Variants in PLAC8L1 observed in about 807,000 individuals in gnomAD.
PLAC8L1 encodes PLAC8 like 1.
In PLAC8L1, 13 loss-of-function variants were observed where a neutral mutation model predicts 16.3. The ratio of observed to expected loss-of-function variants is 0.80; its 90% confidence interval spans 0.52 to 1.27. The LOEUF is 1.27. Among genes scored for constraint, PLAC8L1 ranks in the 50% most tolerant of loss-of-function variants. The pLI is 0.00. For synonymous variants in PLAC8L1, 78 were observed against 79.3 expected (o/e 0.98, Z 0.09); for missense variants, 184 against 220.2 (o/e 0.84, Z 1.04).
intron 2 of PLAC8L1, among the ~76,000 whole-genome samples, chr5:146,096,934 C>T (rs1487082878): frequency 6.6e-6 from 1 of 152,176 alleles, no homozygotes; most frequent in African/African-American, 2.4e-5. Flanking sequence ...GGGGAAGACT[C>T]TCAGCTGAAT....
At chr5:146,100,225 G>T (rs1438258500) in intron 1 of PLAC8L1, among the ~76,000 whole-genome samples, 2 of 152,132 alleles carry the variant, frequency 1.3e-5, no homozygotes, top group African/African-American at 4.8e-5. Context: ...AACATATTTA[G>T]TCTCAATGTC....
At chr5:146,100,695 T>A (rs981385727) in intron 1 of PLAC8L1, among the ~76,000 whole-genome samples, 2 of 152,076 alleles carry the variant, frequency 1.3e-5, no homozygotes, top group African/African-American at 4.8e-5. Flanking sequence ...CAGAAAAATA[T>A]ATATATATGG....
chr5:146,103,967 TAA>T (rs1263889086), intron 1 of PLAC8L1: 2 of 985,248 alleles, frequency 2.0e-6, no homozygotes, highest in African/African-American at 1.7e-5. Flanking sequence ...ATTTTAAGAA[TAA>T]AGAGATACCA....
At chr5:146,087,895 G>T (rs1439645099) in intron 2 of PLAC8L1, among the ~76,000 whole-genome samples, 1 of 152,174 alleles carries the variant, frequency 6.6e-6, no homozygotes, top group Non-Finnish European at 1.5e-5. Flanking sequence ...GAAAGAGGAA[G>T]AGAGCAAAGG....
At position 146,085,521 on chromosome 5, in the gene PLAC8L1, C is replaced by T. The variant is rs143976203; in HGVS notation, c.333G>A (p.Pro111=). Residue 111 remains proline, a synonymous_variant, in exon 3 of 4, where the codon CCG becomes CCA. Coordinates refer to ENST00000311450, the MANE Select transcript of PLAC8L1 (RefSeq NM_001029869.3). ...GTGCAAAGGTGGACCCAGGTAACAA[C>T]GGCCAACAAAGACACTCTCCATAAT... is the stretch of plus-strand genomic sequence containing the variant. The part of the protein sequence containing the change: ...ARHYGECLCW[P]LLPGSTFALR... 4.9e-5 allele frequency: 79 copies of T among 1,614,110 alleles called. No individual in the cohort carries two copies. Among genetic ancestry groups the T allele is most frequent in the African/African-American group, 1.5e-4 (11 of 75,024 alleles).
At chr5:146,084,939 A>C (rs904959744) in intron 3 of PLAC8L1, among the ~76,000 whole-genome samples, 2 of 152,248 alleles carry the variant, frequency 1.3e-5, no homozygotes, top group African/African-American at 4.8e-5. Context: ...ATAGGAAGCA[A>C]AAAGTAAATC....
In PLAC8L1 at chr5:146,102,187, C is replaced by CT. The variant is rs574273561; in HGVS notation, c.119+2005dup. On this transcript the variant is annotated intron_variant, in intron 1 of 3. Transcript: ENST00000311450. ...CCTCCTGCCTCAGCCTCTCAAGTAG[C>CT]TGGGACCACAGGCACATGCCACCAT... 3.3e-5 allele frequency among the ~76,000 whole-genome samples: 5 copies of CT among 152,148 alleles called. No homozygotes were observed. In the South Asian group the frequency reaches 1.0e-3, roughly 32 times the overall value.
rs1316225231 is a variant in PLAC8L1, at chr5:146,098,307, A to C, written c.120-15T>G. ...GTACATGGCCTCTGGAGAGTCAAGG[A>C]TGATGATTAACTTGGAAACAAAGGT... On this transcript the variant is annotated splice_polypyrimidine_tract_variant and intron_variant, in intron 1 of 3. Transcript: ENST00000311450. 1.9e-6 allele frequency: 3 copies of C among 1,610,340 alleles called. No individual in the cohort carries two copies. The highest frequency in any genetic ancestry group is 2.5e-6 in the Non-Finnish European group (3 of 1,177,792).
At chr5:146,084,992 A>G (rs1193637648) in intron 3 of PLAC8L1, among the ~76,000 whole-genome samples, 1 of 152,260 alleles carries the variant, frequency 6.6e-6, no homozygotes, top group African/African-American at 2.4e-5. Flanking sequence ...CCTGCCTGGA[A>G]GTAATCATTG....
chr5:146,091,032 C>A (rs368033233), intron 2 of PLAC8L1, among the ~76,000 whole-genome samples: 1 of 151,276 alleles, frequency 6.6e-6, no homozygotes, highest in Non-Finnish European at 1.5e-5. Flanking sequence ...CCAGCCCGAG[C>A]GACAAGAGCA....
chr5:146,097,645 TATA>T (rs1487632387), intron 2 of PLAC8L1, among the ~76,000 whole-genome samples: 3 of 152,222 alleles, frequency 2.0e-5, no homozygotes, highest in Non-Finnish European at 4.4e-5. Context: ...TTCGTGGCTG[TATA>T]ATAATTCATT....
At chr5:146,090,949 G>A (rs1188468732) in intron 2 of PLAC8L1, among the ~76,000 whole-genome samples, 1 of 152,076 alleles carries the variant, frequency 6.6e-6, no homozygotes, top group Non-Finnish European at 1.5e-5. Flanking sequence ...AGCTACTCGG[G>A]AGGCTGAGGC....
intron 2 of PLAC8L1, among the ~76,000 whole-genome samples, chr5:146,087,689 G>T (rs1244154134): frequency 6.6e-6 from 1 of 152,154 alleles, no homozygotes. Context: ...ACCACATCCA[G>T]TGTATTAGTC....
At chr5:146,100,842 A>G (rs904331689) in intron 1 of PLAC8L1, among the ~76,000 whole-genome samples, 1 of 152,202 alleles carries the variant, frequency 6.6e-6, no homozygotes, top group Admixed American at 6.5e-5. Context: ...ATTTGGAGAC[A>G]GGGCACTTAG....
At chr5:146,095,491 G>C (rs1763702660) in intron 2 of PLAC8L1, among the ~76,000 whole-genome samples, 1 of 152,066 alleles carries the variant, frequency 6.6e-6, no homozygotes, top group Admixed American at 6.5e-5. Flanking sequence ...GGTGCTCTTA[G>C]GATTATGTAG....
chr5:146,098,119 T>C (rs748231647), intron 2 of PLAC8L1, 37 bp downstream of exon 2: 6 of 1,581,454 alleles, frequency 3.8e-6, no homozygotes, highest in African/African-American at 1.3e-5. Flanking sequence ...GAAAAGAAAA[T>C]AGTAAGGAGG....
chr5:146,092,029 G>T (rs2150035084), intron 2 of PLAC8L1, among the ~76,000 whole-genome samples: 1 of 152,164 alleles, frequency 6.6e-6, no homozygotes, highest in Admixed American at 6.5e-5. Context: ...CTCTGAGATG[G>T]GTTCCACCCG....
chr5:146,088,130 G>A (rs1012808795), intron 2 of PLAC8L1, among the ~76,000 whole-genome samples: 6 of 152,102 alleles, frequency 3.9e-5, no homozygotes, highest in African/African-American at 1.4e-4. Flanking sequence ...CATATCACCT[G>A]GCTAACTTTT....
intron 2 of PLAC8L1, among the ~76,000 whole-genome samples, chr5:146,096,667 A>C (rs1374719837): frequency 6.6e-6 from 1 of 152,184 alleles, no homozygotes; most frequent in East Asian, 1.9e-4. Context: ...TTAAAAGTGC[A>C]CTGAAGTTCC....
Sources: gnomAD v4.1 joint callset for allele counts (sites outside exome capture counted in the v4.1 genomes callset) on GRCh38, gnomAD v4.1.1 for gene constraint, MANE v1.5 for transcripts, NCBI Gene and HGNC (gene_info 2026-07-23, HGNC 2026-07-21) for gene names.